The following TBC1D14 variants were observed in gnomAD, a reference collection of about 807,000 sequenced individuals.
TBC1D14 encodes the protein TBC1 domain family, member 14.
TBC1D14 carries 26 observed loss-of-function variants against 79.0 expected under a neutral mutation model. The observed-to-expected ratio is 0.33, with a 90% confidence interval of 0.24 to 0.46. The LOEUF is 0.46. Ranked by LOEUF, TBC1D14 falls within the 20% of genes least tolerant of loss-of-function variation. The pLI is 1.00. For synonymous variants in TBC1D14, 394 were observed against 349.9 expected, an observed-to-expected ratio of 1.13 and a Z score of -1.40; for missense variants, 769 against 887.6, an observed-to-expected ratio of 0.87 and a Z score of 1.70.
chr4:6,985,626 T>C (rs1291142339), intron 3 of TBC1D14, among the ~76,000 whole-genome samples: 1 of 152,218 alleles, frequency 6.6e-6, no homozygotes, highest in Non-Finnish European at 1.5e-5. Context: ...ATCTTTTCTT[T>C]TGGACATTAT....
At chr4:6,939,220 TCAG>T (rs1235465114) in intron 2 of TBC1D14, among the ~76,000 whole-genome samples, 3 of 152,178 alleles carry the variant, frequency 2.0e-5, no homozygotes, top group African/African-American at 7.2e-5. Flanking sequence ...CCTTCTGGAA[TCAG>T]CAGTAGTCCC....
intron 9 of TBC1D14, among the ~76,000 whole-genome samples, chr4:7,007,004 AG>A (rs979656200): frequency 3.1e-4 from 47 of 152,240 alleles, no homozygotes; most frequent in African/African-American, 9.4e-4. Flanking sequence ...CTGGTCTGAG[AG>A]GGTCCCCATG....
chr4:6,958,694 C>T (rs1714899743), intron 2 of TBC1D14, among the ~76,000 whole-genome samples: 1 of 152,188 alleles, frequency 6.6e-6, no homozygotes, highest in Non-Finnish European at 1.5e-5. Context: ...CTTGGCCTAC[C>T]AAAGTGCTGG....
intron 12 of TBC1D14, among the ~76,000 whole-genome samples, chr4:7,017,441 C>G (rs75932940): frequency 0.022 from 3,281 of 152,248 alleles, 54 homozygotes; most frequent in African/African-American, 0.046. Context: ...CCTTAGAGTC[C>G]TTTCTAAGGG....
intron 2 of TBC1D14, among the ~76,000 whole-genome samples, chr4:6,946,250 A>G (rs1470451699): frequency 6.6e-6 from 1 of 152,214 alleles, no homozygotes; most frequent in Non-Finnish European, 1.5e-5. Flanking sequence ...GACATGGATG[A>G]ATAAGGTTAG....
chr4:7,007,439 T>G, intron 9 of TBC1D14: 2 of 779,680 alleles, frequency 2.6e-6, no homozygotes, highest in South Asian at 3.1e-5. Context: ...CCCTTTCTTA[T>G]CTATAACGGG....
At chr4:6,983,087 A>G (rs1398967067) in intron 3 of TBC1D14, among the ~76,000 whole-genome samples, 1 of 151,908 alleles carries the variant, frequency 6.6e-6, no homozygotes, top group African/African-American at 2.4e-5. Flanking sequence ...CAGTGGCACG[A>G]TCTCGCCTCA....
rs12500227 is a variant in TBC1D14 at position 6,969,938 on chromosome 4, C to T, written c.843+2514C>T. On this transcript the variant is annotated intron_variant, in intron 3 of 13. Coordinates refer to ENST00000409757, the MANE Select transcript of TBC1D14 (RefSeq NM_020773.3). ...TCTCTGGCCCTCTCATCGCTCATCT[C>T]CCAACCCAAGGGACTTGGTGAAGCC... Among the ~76,000 whole-genome samples the T allele has an allele frequency of 3.7e-3, 571 of 152,290 alleles. 12 individuals carry two copies. The highest frequency in any genetic ancestry group is 0.033 in the Admixed American group (508 of 15,286).
intron 2 of TBC1D14, among the ~76,000 whole-genome samples, chr4:6,936,945 T>C (rs1712394300): frequency 6.6e-6 from 1 of 152,200 alleles, no homozygotes; most frequent in Non-Finnish European, 1.5e-5. Context: ...GAGACAGAGT[T>C]TTGCTCTTGT....
chr4:7,028,165 C>T (rs1288306344), intron 13 of TBC1D14, among the ~76,000 whole-genome samples: 4 of 151,924 alleles, frequency 2.6e-5, no homozygotes, highest in African/African-American at 9.7e-5. Context: ...ACCCACACAC[C>T]TCACATGCAC....
intron 8 of TBC1D14, 92 bp downstream of exon 8, chr4:7,005,016 TAG>T: frequency 8.5e-7 from 1 of 1,179,090 alleles, no homozygotes; most frequent in Non-Finnish European, 1.3e-6. Flanking sequence ...TTAACTACAG[TAG>T]AGATTGTTGT....
At chr4:6,915,674 C>T (rs1009081267) in intron 1 of TBC1D14, among the ~76,000 whole-genome samples, 1 of 152,110 alleles carries the variant, frequency 6.6e-6, no homozygotes, top group Non-Finnish European at 1.5e-5. Context: ...GTACCTGGTA[C>T]TCATTAAATT....
chr4:6,959,884 T>G (rs750030306), intron 2 of TBC1D14, among the ~76,000 whole-genome samples: 6 of 152,186 alleles, frequency 3.9e-5, no homozygotes, highest in Non-Finnish European at 7.3e-5. Flanking sequence ...TGGGGTGTGA[T>G]GAAGTCTTAC....
intron 3 of TBC1D14, among the ~76,000 whole-genome samples, chr4:6,989,618 C>T (rs561104471): frequency 4.6e-5 from 7 of 152,304 alleles, no homozygotes; most frequent in Non-Finnish European, 7.3e-5. Flanking sequence ...ATCGTATTGC[C>T]CCTGTCGAGT....
At chr4:6,955,979 TA>T (rs1714596583) in intron 2 of TBC1D14, among the ~76,000 whole-genome samples, 1 of 152,154 alleles carries the variant, frequency 6.6e-6, no homozygotes, top group Non-Finnish European at 1.5e-5. Flanking sequence ...GTAATCTTTA[TA>T]AAAATTAATT....
intron 1 of TBC1D14, among the ~76,000 whole-genome samples, chr4:6,912,328 C>T (rs1406176722): frequency 2.0e-5 from 3 of 150,734 alleles, no homozygotes; most frequent in East Asian, 3.9e-4. Context: ...TGCAGTGAGC[C>T]GAGATCTCAC....
Position 6,999,958 on chromosome 4 carries a change from A to G in TBC1D14, c.1163+756A>G, listed in dbSNP as rs937176296. 2.6e-5 allele frequency among the ~76,000 whole-genome samples: 4 copies of G among 152,160 alleles called. No homozygotes were observed. In the South Asian group the frequency reaches 6.2e-4, roughly 24 times the overall value. On this transcript the variant is annotated intron_variant, in intron 6 of 13. Transcript: ENST00000409757. The stretch of plus-strand genomic sequence containing the variant: ...GAACGGTGGGGGCCAGTGTGCGGGC[A>G]GAAGTCCCAAGGCTGCGCACAGAGG...
chr4:6,962,375 G>T (rs1021949309), intron 2 of TBC1D14, among the ~76,000 whole-genome samples: 2 of 152,100 alleles, frequency 1.3e-5, no homozygotes, highest in Non-Finnish European at 2.9e-5. Flanking sequence ...TACAGATATC[G>T]ATTGTTTACT....
intron 3 of TBC1D14, among the ~76,000 whole-genome samples, chr4:6,978,970 C>G (rs1269803543): frequency 6.6e-6 from 1 of 152,060 alleles, no homozygotes; most frequent in Non-Finnish European, 1.5e-5. Flanking sequence ...ATATGTAGGA[C>G]AAGTGAAATA....
Sources: gnomAD v4.1 joint callset for allele counts (sites outside exome capture counted in the v4.1 genomes callset) on GRCh38, gnomAD v4.1.1 for gene constraint, MANE v1.5 for transcripts, NCBI Gene and HGNC (gene_info 2026-07-23, HGNC 2026-07-21) for gene names.